The following DNER variants were observed in gnomAD, a reference collection of about 807,000 sequenced individuals.
DNER encodes the protein delta and Notch-like epidermal growth factor-related receptor.
In DNER, 33 loss-of-function variants were observed where a neutral mutation model predicts 78.2. The ratio of observed to expected loss-of-function variants is 0.42; its 90% CI spans 0.32 to 0.56. The LOEUF is 0.56. DNER is among the 20% of genes least tolerant of loss of function. The pLI is 0.11. For missense variants in DNER, 918 were observed against 975.3 expected, an observed-to-expected ratio of 0.94 and a Z score of 0.78; for synonymous variants, 417 against 384.8, an observed-to-expected ratio of 1.08 and a Z score of -0.98.
At chr2:229,535,627 AGATGTT>A (rs1696387713) in intron 5 of DNER, among the ~76,000 whole-genome samples, 1 of 151,974 alleles carries the variant, frequency 6.6e-6, no homozygotes, top group Admixed American at 6.6e-5. Flanking sequence ...GCTTGGAAGG[AGATGTT>A]GTAAAGCCAG....
At chr2:229,556,221 G>C (rs1696854433) in intron 4 of DNER, among the ~76,000 whole-genome samples, 1 of 152,220 alleles carries the variant, frequency 6.6e-6, no homozygotes, top group African/African-American at 2.4e-5. Context: ...CCACCAGTGA[G>C]ACACCACTGT....
intron 10 of DNER, among the ~76,000 whole-genome samples, chr2:229,401,040 A>G (rs1693256265): frequency 2.0e-5 from 3 of 152,112 alleles, no homozygotes. Context: ...ATTTCTTCAC[A>G]GGATATGCAG....
At chr2:229,551,582 C>T (rs1355078090) in intron 4 of DNER, among the ~76,000 whole-genome samples, 1 of 149,872 alleles carries the variant, frequency 6.7e-6, no homozygotes, top group African/African-American at 2.5e-5. Context: ...TGCAGTGAGC[C>T]AAAATCGTGC....
intron 4 of DNER, among the ~76,000 whole-genome samples, chr2:229,571,128 G>A (rs370418623): frequency 1.3e-5 from 2 of 152,220 alleles, no homozygotes; most frequent in African/African-American, 4.8e-5. Flanking sequence ...GCTAGTAGCC[G>A]TGAAGGTGGA....
intron 1 of DNER, among the ~76,000 whole-genome samples, chr2:229,683,420 A>G (rs1699422042): frequency 6.6e-6 from 1 of 152,230 alleles, no homozygotes; most frequent in South Asian, 2.1e-4. Context: ...TGAAGTCCAT[A>G]AATTGTGAAT....
chr2:229,608,615 C>T (rs1251945053), intron 1 of DNER, among the ~76,000 whole-genome samples: 1 of 152,130 alleles, frequency 6.6e-6, no homozygotes, highest in African/African-American at 2.4e-5. Context: ...AAGGATCCTG[C>T]AGTGTCATAC....
At chr2:229,470,158 C>T (rs780292233) in intron 7 of DNER, among the ~76,000 whole-genome samples, 17 of 152,292 alleles carry the variant, frequency 1.1e-4, no homozygotes, top group African/African-American at 2.6e-4. Context: ...ATAATTGTCA[C>T]GTGCAGATCT....
intron 1 of DNER, among the ~76,000 whole-genome samples, chr2:229,614,620 T>G (rs1269492210): frequency 6.6e-6 from 1 of 152,186 alleles, no homozygotes; most frequent in East Asian, 1.9e-4. Context: ...GCAGTTCTTC[T>G]GGAGCTAGAC....
At chr2:229,543,093 A>C (rs964954299) in intron 5 of DNER, among the ~76,000 whole-genome samples, 10 of 152,172 alleles carry the variant, frequency 6.6e-5, no homozygotes, top group Non-Finnish European at 1.0e-4. Context: ...GTTAGCTCAG[A>C]GGCACCAGAA....
chr2:229,407,929 G>C (rs1693423073), intron 9 of DNER, among the ~76,000 whole-genome samples: 1 of 152,152 alleles, frequency 6.6e-6, no homozygotes, highest in Non-Finnish European at 1.5e-5. Flanking sequence ...AGGAAACTGA[G>C]GAAAGAGTCG....
At chr2:229,656,656 T>C (rs1039334994) in intron 1 of DNER, among the ~76,000 whole-genome samples, 1 of 152,188 alleles carries the variant, frequency 6.6e-6, no homozygotes, top group South Asian at 2.1e-4. Context: ...CACACTTCTA[T>C]TTATAACACT....
intron 5 of DNER, among the ~76,000 whole-genome samples, chr2:229,545,762 G>GC (rs1013033712): frequency 6.6e-6 from 1 of 152,154 alleles, no homozygotes; most frequent in Non-Finnish European, 1.5e-5. Flanking sequence ...GTGGAACAGG[G>GC]CTCAGGGTTC....
At chr2:229,690,171 C>T (rs1699545609) in intron 1 of DNER, among the ~76,000 whole-genome samples, 1 of 152,070 alleles carries the variant, frequency 6.6e-6, no homozygotes, top group Non-Finnish European at 1.5e-5. Flanking sequence ...GACACCAATC[C>T]CAAAGATTCT....
chr2:229,427,594 C>A (rs568424615), intron 8 of DNER, among the ~76,000 whole-genome samples: 2 of 152,118 alleles, frequency 1.3e-5, no homozygotes, highest in South Asian at 2.1e-4. Context: ...GGAGAGCTGA[C>A]CTTGCCCCAG....
At chr2:229,623,708 T>C (rs761445139) in intron 1 of DNER, among the ~76,000 whole-genome samples, 2 of 152,212 alleles carry the variant, frequency 1.3e-5, no homozygotes, top group Non-Finnish European at 2.9e-5. Context: ...GCTGCTGTCA[T>C]TGGAGTGAGC....
At chr2:229,537,688 T>G (rs1365860198) in intron 5 of DNER, among the ~76,000 whole-genome samples, 1 of 152,228 alleles carries the variant, frequency 6.6e-6, no homozygotes, top group Admixed American at 6.5e-5. Flanking sequence ...CATTTCAACC[T>G]TCTGAAATAG....
At chr2:229,499,458 A>AG (rs1263329917) in intron 6 of DNER, among the ~76,000 whole-genome samples, 2 of 151,860 alleles carry the variant, frequency 1.3e-5, no homozygotes, top group East Asian at 3.9e-4. Context: ...AAAAAAAAAA[A>AG]AAAGGAAATT....
At chr2:229,578,312 T>C (rs543970539) in intron 4 of DNER, among the ~76,000 whole-genome samples, 10 of 152,208 alleles carry the variant, frequency 6.6e-5, no homozygotes, top group African/African-American at 2.4e-4. Context: ...CAGGAAGCAG[T>C]CACAGGAGCT....
intron 6 of DNER, among the ~76,000 whole-genome samples, chr2:229,511,661 A>C (rs1695866052): frequency 6.6e-6 from 1 of 152,194 alleles, no homozygotes; most frequent in South Asian, 2.1e-4. Context: ...TTTGTGGTTT[A>C]TCCTGGGTTT....
Sources: allele counts gnomAD v4.1 joint callset (sites outside exome capture counted in the v4.1 genomes callset), GRCh38; gene constraint gnomAD v4.1.1; transcripts MANE v1.5; gene names NCBI Gene and HGNC (gene_info 2026-07-23, HGNC 2026-07-21).